FAT3: variants seen among roughly 807,000 people sequenced by gnomAD.
The protein encoded by FAT3 is FAT atypical cadherin 3.
Under a neutral mutation model 310.2 loss-of-function variants are expected in FAT3, and 95 were observed. The observed-to-expected ratio is 0.31, with a 90% CI of 0.26 to 0.36. The LOEUF is 0.36. Ranked by LOEUF, FAT3 falls within the 10% of genes least tolerant of loss-of-function variation. The pLI is 1.00. For missense variants in FAT3, 5,408 were observed against 5,715.6 expected (o/e 0.95, Z 1.74); for synonymous variants, 2,314 against 2,192.9 (o/e 1.06, Z -1.54).
At chr11:92,812,287 A>G (rs1424616539) in intron 13 of FAT3, among the ~76,000 whole-genome samples, 4 of 152,216 alleles carry the variant, frequency 2.6e-5, no homozygotes, top group East Asian at 3.8e-4. Flanking sequence ...TTGCACATCA[A>G]TAGCCATTGC....
chr11:92,403,066 A>C (rs1288716323), intron 2 of FAT3, among the ~76,000 whole-genome samples: 2 of 152,216 alleles, frequency 1.3e-5, no homozygotes, highest in Non-Finnish European at 2.9e-5. Context: ...CTTACAGACA[A>C]GTTTACTTGC....
intron 2 of FAT3, among the ~76,000 whole-genome samples, chr11:92,405,960 C>A (rs1032347270): frequency 6.6e-6 from 1 of 152,196 alleles, no homozygotes; most frequent in African/African-American, 2.4e-5. Flanking sequence ...TTTCCCCCAA[C>A]TTCCTAGTTA....
intron 4 of FAT3, among the ~76,000 whole-genome samples, chr11:92,741,203 G>A (rs930157357): frequency 7.9e-5 from 12 of 152,006 alleles, no homozygotes; most frequent in Admixed American, 5.2e-4. Flanking sequence ...CACCACATCC[G>A]GTTAATTTTT....
chr11:92,542,588 A>G (rs889203793), intron 3 of FAT3, among the ~76,000 whole-genome samples: 8 of 152,110 alleles, frequency 5.3e-5, no homozygotes, highest in Non-Finnish European at 8.8e-5. Context: ...TATATGAAAA[A>G]ATACTCAACA....
intron 1 of FAT3, among the ~76,000 whole-genome samples, chr11:92,297,074 G>C (rs1454492772): frequency 8.5e-5 from 13 of 152,206 alleles, no homozygotes; most frequent in African/African-American, 1.2e-4. Context: ...CAATATGTAA[G>C]AGAAGGAGAA....
At chr11:92,566,277 C>T (rs1202872480) in intron 3 of FAT3, among the ~76,000 whole-genome samples, 1 of 152,084 alleles carries the variant, frequency 6.6e-6, no homozygotes, top group Admixed American at 6.6e-5. Context: ...GAGTGAACTC[C>T]CATTCACAAT....
chr11:92,806,643 C>T lies in FAT3; in HGVS notation c.9247+128C>T. ...TCTTATAGGGATGGAGGGAAATTTTCCCTTCCATCCTTTCTGAATGTTTGC... is the reference window on the plus strand; with the variant it reads ...TCTTATAGGGATGGAGGGAAATTTTTCCTTCCATCCTTTCTGAATGTTTGC... On this transcript the variant is annotated intron_variant, in intron 12 of 27. Coordinates refer to ENST00000525166, the MANE Select transcript of FAT3 (RefSeq NM_001367949.2). The T allele has an allele frequency of 8.1e-6, 6 of 738,670 alleles. No individual in the cohort carries two copies. In the South Asian group the frequency reaches 1.4e-4, roughly 18 times the overall value. 45.8% of individuals were successfully genotyped at this position (738,670 alleles called of 1,614,324 possible). A position where few individuals can be genotyped will look rare whatever the true frequency, so the allele number is the denominator to read the frequency against.
At chr11:92,613,738 A>AT (rs1940676385) in intron 3 of FAT3, among the ~76,000 whole-genome samples, 2 of 152,132 alleles carry the variant, frequency 1.3e-5, no homozygotes, top group Non-Finnish European at 2.9e-5. Context: ...TTTGGGAGTA[A>AT]AATAAGTGAT....
chr11:92,329,149 T>C (rs921293484), intron 1 of FAT3, among the ~76,000 whole-genome samples: 7 of 151,986 alleles, frequency 4.6e-5, no homozygotes, highest in Non-Finnish European at 7.4e-5. Flanking sequence ...GCATGCCTCT[T>C]TTGCTAGGTA....
At chr11:92,324,551 G>A (rs932660072) in intron 1 of FAT3, among the ~76,000 whole-genome samples, 9 of 152,142 alleles carry the variant, frequency 5.9e-5, no homozygotes, top group African/African-American at 1.4e-4. Flanking sequence ...GGTGTGGTTC[G>A]TGGGACCCCA....
chr11:92,706,859 C>T (rs903008154), intron 4 of FAT3, among the ~76,000 whole-genome samples: 2 of 152,126 alleles, frequency 1.3e-5, no homozygotes, highest in African/African-American at 4.8e-5. Context: ...TGGAAATTAC[C>T]ACATATGAAG....
At chr11:92,430,493 T>C (rs181982654) in intron 2 of FAT3, among the ~76,000 whole-genome samples, 4 of 152,238 alleles carry the variant, frequency 2.6e-5, no homozygotes, top group African/African-American at 9.6e-5. Context: ...TCTTTGATTT[T>C]GGTGGCCTTT....
At position 92,226,759 on chromosome 11, in the gene FAT3, G is replaced by C. The variant is rs564525687; in HGVS notation, c.-18+1585G>C. ...CTGGTGGACTCCTAGCGCCTCGGCC[G>C]GGAGCTCCAGCTCCATCCCGCCGCC... is the stretch of plus-strand genomic sequence containing the variant. On this transcript the variant is annotated intron_variant, in intron 1 of 27. Transcript: ENST00000525166. 5.0e-4 allele frequency among the ~76,000 whole-genome samples: 76 copies of C among 152,214 alleles called. 1 individual carries two copies. The South Asian group carries it at 0.016, about 32-fold the overall frequency.
intron 2 of FAT3, among the ~76,000 whole-genome samples, chr11:92,514,317 C>A (rs561623006): frequency 6.6e-6 from 1 of 152,128 alleles, no homozygotes; most frequent in East Asian, 1.9e-4. Context: ...AAGATAAAAA[C>A]AGAAAAGAAC....
chr11:92,686,043 C>G lies in FAT3; in HGVS notation c.3608-11341C>G, dbSNP rs528256897. 1.4e-3 allele frequency among the ~76,000 whole-genome samples: 217 copies of G among 152,220 alleles called. 1 individual carries two copies. The highest frequency in any genetic ancestry group is 5.2e-3 in the African/African-American group (215 of 41,542). On this transcript the variant is annotated intron_variant, in intron 3 of 27. Coordinates refer to ENST00000525166, the MANE Select transcript of FAT3 (RefSeq NM_001367949.2). The stretch of plus-strand genomic sequence containing the variant: ...CCTCCATAAAATAATTGCTGTGTTA[C>G]AGAGGAAGAAACTGAGGTGCACATT...
At chr11:92,317,947 G>A (rs1216299082) in intron 1 of FAT3, among the ~76,000 whole-genome samples, 6 of 152,220 alleles carry the variant, frequency 3.9e-5, no homozygotes. Flanking sequence ...ACAGTGACAG[G>A]AGGGAGTTAT....
intron 2 of FAT3, among the ~76,000 whole-genome samples, chr11:92,463,076 A>G (rs1951675007): frequency 1.3e-5 from 2 of 152,242 alleles, no homozygotes; most frequent in Non-Finnish European, 2.9e-5. Flanking sequence ...ATGGGGTGAC[A>G]GCATCATTTG....
chr11:92,330,336 T>C (rs2134532581), intron 1 of FAT3, among the ~76,000 whole-genome samples: 1 of 152,362 alleles, frequency 6.6e-6, no homozygotes, highest in African/African-American at 2.4e-5. Context: ...TTTATTCATG[T>C]CCTAACAGTT....
At chr11:92,576,456 G>A (rs11020011) in intron 3 of FAT3, among the ~76,000 whole-genome samples, 1,712 of 152,168 alleles carry the variant, frequency 0.011, 37 homozygotes, top group East Asian at 0.1. Context: ...GTTACGGATC[G>A]TGTTCATTCC....
Sources: gnomAD v4.1 joint callset for allele counts (sites outside exome capture counted in the v4.1 genomes callset) on GRCh38, gnomAD v4.1.1 for gene constraint, MANE v1.5 for transcripts, NCBI Gene and HGNC (gene_info 2026-07-23, HGNC 2026-07-21) for gene names.